The following IPO11 variants were observed in gnomAD, a reference collection of about 807,000 sequenced individuals.
IPO11 encodes the protein importin-11.
Under a neutral mutation model 143.2 loss-of-function variants are expected in IPO11, and 66 were observed. That is an observed-to-expected ratio of 0.46 (90% CI 0.38 to 0.57). The LOEUF is 0.57. Among genes scored for constraint, IPO11 ranks in the 20% least tolerant of loss-of-function variants. The pLI is 0.00. For synonymous variants in IPO11, 385 were observed against 377.8 expected, an observed-to-expected ratio of 1.02 and a Z score of -0.22; for missense variants, 1,026 against 1,141.0, an observed-to-expected ratio of 0.90 and a Z score of 1.45.
intron 15 of IPO11, among the ~76,000 whole-genome samples, chr5:62,492,657 C>T (rs895425416): frequency 2.0e-5 from 3 of 152,166 alleles, no homozygotes; most frequent in African/African-American, 4.8e-5. Flanking sequence ...GATCCTCCCA[C>T]CTCTGCCTCC....
At chr5:62,433,140 C>CTT (rs1456073082) in intron 1 of IPO11, among the ~76,000 whole-genome samples, 3 of 148,524 alleles carry the variant, frequency 2.0e-5, no homozygotes, top group African/African-American at 7.5e-5. Flanking sequence ...ATTTTGGCAC[C>CTT]TTTTTGTTTT....
chr5:62,511,069 A>G (rs1219258406), intron 19 of IPO11, among the ~76,000 whole-genome samples: 4 of 152,168 alleles, frequency 2.6e-5, no homozygotes, highest in African/African-American at 9.7e-5. Flanking sequence ...TTTTTATAGC[A>G]TTAATTTTAA....
rs539851667 is a variant in IPO11, at chr5:62,467,159, G to A, written c.545G>A (p.Cys182Tyr). Residue 182 changes from cysteine to tyrosine, a missense_variant, in exon 6 of 30, where the codon TGC becomes TAC. This residue lies in a region of IPO11 where 429 missense variants were observed against 456.3 expected (regional missense o/e 0.94). Transcript: ENST00000325324. ...GCTTCTGGAATTTATAATTTTGCCT[G>A]CTCTCTGTGGAATCACCACACAGAC... ...DLASGIYNFACSLWNHHTDTF... is the reference protein window; with the variant it reads ...DLASGIYNFAYSLWNHHTDTF... The A allele has an allele frequency of 4.3e-6, 7 of 1,609,200 alleles. No homozygotes were observed. In the Admixed American group the frequency reaches 6.8e-5, roughly 16 times the overall value.
intron 1 of IPO11, among the ~76,000 whole-genome samples, chr5:62,431,786 T>C (rs1743996858): frequency 6.6e-6 from 1 of 151,950 alleles, no homozygotes; most frequent in South Asian, 2.1e-4. Context: ...ATTAAAAATA[T>C]AAAAGTTAGC....
intron 2 of IPO11, among the ~76,000 whole-genome samples, chr5:62,439,904 C>G (rs1346644527): frequency 1.3e-5 from 2 of 152,054 alleles, no homozygotes; most frequent in Non-Finnish European, 2.9e-5. Context: ...TGTTCTAGTC[C>G]TGTTTTTCAG....
chr5:62,595,659 A>G (rs1421831557), intron 28 of IPO11, among the ~76,000 whole-genome samples: 1 of 152,204 alleles, frequency 6.6e-6, no homozygotes, highest in Admixed American at 6.5e-5. Context: ...TCAGAGTTGT[A>G]CAGAAAATGA....
At chr5:62,494,320 G>GA (rs58443235) in intron 16 of IPO11, among the ~76,000 whole-genome samples, 196 bp downstream of exon 16, 6 of 150,076 alleles carry the variant, frequency 4.0e-5, no homozygotes, top group East Asian at 1.9e-4. Context: ...ACTAGTCATT[G>GA]AAAAAAAAAT....
At chr5:62,567,974 T>C (rs978514292) in intron 27 of IPO11, among the ~76,000 whole-genome samples, 45 of 151,824 alleles carry the variant, frequency 3.0e-4, no homozygotes, top group African/African-American at 1.1e-3. Context: ...GATTGATTGA[T>C]TGATTGATTG....
At chr5:62,490,016 C>A in intron 14 of IPO11, 99 bp from the exon 15 acceptor site, 1 of 541,346 alleles carries the variant, frequency 1.8e-6, no homozygotes, top group South Asian at 4.1e-5. Flanking sequence ...CCCTGATTAG[C>A]ATATTGTGTG....
intron 1 of IPO11, among the ~76,000 whole-genome samples, chr5:62,435,144 G>GTATATATATGTA (rs761497192): frequency 1.1e-4 from 7 of 64,990 alleles, no homozygotes; most frequent in East Asian, 9.9e-4. Context: ...ATGTATATAT[G>GTATATATATGTA]TATATATGTA....
intron 1 of IPO11, among the ~76,000 whole-genome samples, chr5:62,435,190 GTATATATATGTATATATATGTGTATATA>G (rs1744167243): frequency 9.8e-6 from 1 of 101,748 alleles, no homozygotes; most frequent in African/African-American, 3.7e-5. Flanking sequence ...GTATATATAT[GTATATATATGTATATATATGTGTATATA>G]TATATATATC....
intron 16 of IPO11, 69 bp downstream of exon 16, chr5:62,494,193 A>T (rs1274022080): frequency 7.2e-7 from 1 of 1,395,992 alleles, no homozygotes; most frequent in African/African-American, 1.4e-5. Context: ...TCAAGTTCAC[A>T]ACAGTTTATG....
chr5:62,581,304 A>G (rs1201396569), intron 27 of IPO11: 3 of 1,504,604 alleles, frequency 2.0e-6, no homozygotes, highest in Non-Finnish European at 2.7e-6. Context: ...ATTCTGCTTT[A>G]TAACTCAACT....
At chr5:62,470,816 CTTTTTTTTT>C (rs70981015) in intron 7 of IPO11, among the ~76,000 whole-genome samples, 34 of 62,558 alleles carry the variant, frequency 5.4e-4, no homozygotes, top group East Asian at 2.8e-3. Context: ...TAGCCATCTT[CTTTTTTTTT>C]TTTTTTTTTT....
intron 29 of IPO11, among the ~76,000 whole-genome samples, chr5:62,610,986 A>G (rs747592178): frequency 4.6e-5 from 7 of 152,176 alleles, no homozygotes; most frequent in African/African-American, 1.4e-4. Flanking sequence ...CTTTGCTCAC[A>G]TTCTACCTGC....
chr5:62,525,736 C>T (rs1742350316), intron 20 of IPO11, among the ~76,000 whole-genome samples: 2 of 152,054 alleles, frequency 1.3e-5, no homozygotes, highest in African/African-American at 4.8e-5. Flanking sequence ...TTCCATAATT[C>T]GGTTACTTTA....
chr5:62,627,191 A>C lies in IPO11; in HGVS notation c.2801A>C (p.Gln934Pro). 1.2e-6 allele frequency: 2 copies of C among 1,614,166 alleles called. No homozygotes were observed. The highest frequency in any genetic ancestry group is 1.7e-6 in the Non-Finnish European group (2 of 1,179,996). Residue 934 changes from glutamine to proline, a missense_variant, in exon 30 of 30, where the codon CAG becomes CCG. Gln to Pro is a moderately conservative substitution (Grantham distance 76). Around this residue, in one of 5 missense-constraint regions of IPO11, gnomAD observed 351 missense variants for 358.9 expected, o/e 0.98. Coordinates refer to ENST00000325324, the MANE Select transcript of IPO11 (RefSeq NM_016338.5). ...LKDPVHTVSL[Q>P]QFIYEKLKAQ... ...GACCCTGTTCATACAGTGTCACTGCAGCAGTTCATCTACGAGAAGCTCAAG... is the reference window on the plus strand; with the variant it reads ...GACCCTGTTCATACAGTGTCACTGCCGCAGTTCATCTACGAGAAGCTCAAG...
intron 29 of IPO11, among the ~76,000 whole-genome samples, chr5:62,608,644 T>C (rs1466683209): frequency 6.6e-6 from 1 of 152,198 alleles, no homozygotes; most frequent in Non-Finnish European, 1.5e-5. Context: ...CTGAGTTTTC[T>C]CATTTGCCAT....
chr5:62,415,822 A>G (rs898876998), intron 1 of IPO11, among the ~76,000 whole-genome samples: 11 of 152,106 alleles, frequency 7.2e-5, no homozygotes, highest in African/African-American at 2.7e-4. Context: ...AGGAAATGAA[A>G]TACATTGAGT....
Sources: gnomAD v4.1 joint callset for allele counts (sites outside exome capture counted in the v4.1 genomes callset) on GRCh38, gnomAD v4.1.1 for gene constraint, gnomAD v4.1.1 regional missense constraint, MANE v1.5 for transcripts, NCBI Gene and HGNC (gene_info 2026-07-23, HGNC 2026-07-21) for gene names.